Variants in GUCY2D observed in about 807,000 individuals in gnomAD.
GUCY2D encodes the protein guanylate cyclase 2D, retinal.
A neutral mutation model predicts 101.3 loss-of-function variants in GUCY2D; 70 were observed. The ratio of observed to expected loss-of-function variants is 0.69; its 90% CI spans 0.57 to 0.84. The LOEUF (loss-of-function observed/expected upper bound fraction) is 0.84, where lower values mean the gene tolerates loss of function less well. Among genes scored for constraint, GUCY2D ranks in the 40% least tolerant of loss-of-function variants. The pLI is 0.00. For missense variants in GUCY2D, 1,460 were observed against 1,542.5 expected, an observed-to-expected ratio of 0.95 and a Z score of 0.90; for synonymous variants, 688 against 670.7, an observed-to-expected ratio of 1.03 and a Z score of -0.40.
chr17:8,007,459 C>T lies in GUCY2D; in HGVS notation c.1497C>T (p.Gly499=), dbSNP rs754833828. 2.5e-6 allele frequency: 4 copies of T among 1,613,534 alleles called. No individual in the cohort carries two copies. Among genetic ancestry groups the T allele is most frequent in the Non-Finnish European group, 3.4e-6 (4 of 1,179,468 alleles). The change falls in exon 6 of 20, where the codon GGC becomes GGT. Residue 499 remains glycine (G), a synonymous_variant. Transcript: ENST00000254854. ...TACTTCACATGCAAATGGTCTCCGGCCCCAACAAGATCATCCTGACCGTGG... is the reference window on the plus strand; with the variant it reads ...TACTTCACATGCAAATGGTCTCCGGTCCCAACAAGATCATCCTGACCGTGG... ...HRLLHMQMVS[G]PNKIILTVDD...
intron 19 of GUCY2D, among the ~76,000 whole-genome samples, chr17:8,017,156 A>T (rs1340700882): frequency 1.3e-5 from 2 of 152,140 alleles, no homozygotes; most frequent in Non-Finnish European, 2.9e-5. Flanking sequence ...TGGTTGCAAA[A>T]CCAGCCATGT....
In GUCY2D at chr17:8,013,410, C is replaced by G; in HGVS notation, c.2263+158C>G. The G allele has an allele frequency of 1.3e-6, 1 of 750,582 alleles. No homozygotes were observed. The allele number at this position is 750,582 out of a possible 1,614,324, so 46.5% of individuals were successfully genotyped here. ...CATCTGCAGGTCTGGGTGCAGAAAG[C>G]CGTGCATGGCCAGGGTGGGGAGCGT... is the stretch of plus-strand genomic sequence containing the variant. On this transcript the variant is annotated intron_variant, in intron 11 of 19. Transcript: ENST00000254854. The surrounding 1 kb of genome is among the most constrained non-coding windows in gnomAD (Gnocchi z 5.0).
Position 8,015,065 on chromosome 17 carries a change from G to C in GUCY2D, c.2769+14G>C, listed in dbSNP as rs761934425. 42 of 1,608,376 alleles carry C rather than the reference G, an allele frequency of 2.6e-5. 1 individual carries two copies. In the South Asian group the frequency reaches 4.5e-4, roughly 17 times the overall value. On this transcript the variant is annotated intron_variant, in intron 14 of 19. Transcript: ENST00000254854. ...GATGTCTACAAGGTGCAGTGTGTAG[G>C]GGACAAGCCCTCCTGACCTTCAATT...
chr17:8,016,511 G>T lies in GUCY2D; in HGVS notation c.3293G>T (p.Arg1098Leu), dbSNP rs1430847788. Residue 1098 changes from arginine (R) to leucine (L), a missense_variant, in exon 19 of 20, where the codon CGG (arginine) becomes CTG (leucine). Physicochemically the swap from Arg to Leu is moderately radical, Grantham distance 102. Transcript: ENST00000254854. ...CGGCGACGGAAGCTGGAGAAGGCGCGGCCGGGCCAGTTCTCTTGAGAAGTG... is the reference window on the plus strand; with the variant it reads ...CGGCGACGGAAGCTGGAGAAGGCGCTGCCGGGCCAGTTCTCTTGAGAAGTG... ...PERRRKLEKA[R>L]PGQFS is the part of the protein sequence containing the mutation. 1 of 1,571,206 alleles carries T rather than the reference G, an allele frequency of 6.4e-7. No homozygotes were observed. Among genetic ancestry groups the T allele is most frequent in the African/African-American group, 1.3e-5 (1 of 74,222 alleles).
intron 8 of GUCY2D, among the ~76,000 whole-genome samples, chr17:8,010,886 C>A (rs1176960672): frequency 6.6e-6 from 1 of 151,700 alleles, no homozygotes; most frequent in African/African-American, 2.4e-5. Context: ...AGAAAGGGCA[C>A]CAGTCAGCCA....
Position 8,014,173 on chromosome 17 carries a change from A to T in GUCY2D, c.2412+145A>T. ...CCTAAGGAGTAGCCTGAAGACTCGG[A>T]GTTTGGGGGCAGAATTGGAATGGGG... is the stretch of plus-strand genomic sequence containing the variant. On this transcript the variant is annotated intron_variant, in intron 12 of 19. Transcript: ENST00000254854. The surrounding 1 kb of genome is among the most constrained non-coding windows in gnomAD (Gnocchi z 4.0). 1 of 762,080 alleles carries T rather than the reference A, an allele frequency of 1.3e-6. No homozygotes were observed. Among genetic ancestry groups the T allele is most frequent in the Non-Finnish European group, 2.3e-6 (1 of 438,628 alleles). 47.2% of individuals were successfully genotyped at this position (762,080 alleles called of 1,614,324 possible). A position where few individuals can be genotyped will look rare whatever the true frequency, so the allele number is the denominator to read the frequency against.
intron 10 of GUCY2D, among the ~76,000 whole-genome samples, 181 bp downstream of exon 10, chr17:8,012,787 G>A (rs547778415): frequency 1.9e-4 from 29 of 152,334 alleles, no homozygotes; most frequent in African/African-American, 6.0e-4. Flanking sequence ...CTTCGGAGAC[G>A]GGGCTGCTGG....
At chr17:8,008,237 G>A (rs918592399) in intron 7 of GUCY2D, among the ~76,000 whole-genome samples, 5 of 152,192 alleles carry the variant, frequency 3.3e-5, no homozygotes, top group Admixed American at 6.5e-5. Flanking sequence ...CCTCCCCAAG[G>A]ATTTTTCTCT....
In GUCY2D at chr17:8,009,457, G is replaced by A. The variant is rs372118691; in HGVS notation, c.1669-49G>A. 1.2e-4 allele frequency: 139 copies of A among 1,187,036 alleles called. No individual in the cohort carries two copies. The African/African-American group carries it at 1.3e-3, about 11-fold the overall frequency. 73.5% of individuals were successfully genotyped at this position (1,187,036 alleles called of 1,614,324 possible). A position where few individuals can be genotyped will look rare whatever the true frequency, so the allele number is the denominator to read the frequency against. ...GGGAGGGGTTCTAGGGCTCCCCATC[G>A]TGGGATTTTAAGAGACTGAGTTCCC... On this transcript the variant is annotated intron_variant, in intron 7 of 19. Coordinates refer to ENST00000254854, the MANE Select transcript of GUCY2D (RefSeq NM_000180.4).
rs746769693 is a variant in GUCY2D, at chr17:8,003,934, G to A, written c.804G>A (p.Leu268=). The A allele has an allele frequency of 6.2e-7, 1 of 1,613,654 alleles. No individual in the cohort carries two copies. The highest frequency in any genetic ancestry group is 1.1e-5 in the South Asian group (1 of 91,070). ...TGGAGGCCGCAGAGGAGCTGGGCCT[G>A]ACCGATGGCTCCCTGGTCTTCCTGC... is the stretch of plus-strand genomic sequence containing the variant. ...YLLEAAEELG[L]TDGSLVFLPF... Residue 268 remains leucine, a synonymous_variant, in exon 3 of 20, where the codon CTG becomes CTA. Transcript: ENST00000254854.
chr17:8,003,085 AC>A lies in GUCY2D; in HGVS notation c.42del (p.Leu16SerfsTer69). ...ACARRAGGLPDPGLCGPAWWA... is the reference protein window; with the variant it reads ...ACARRAGGLPXPGLCGPAWWA... ...GCCCGCCGAGCGGGTGGGCTTCCGG[AC>A]CCCGGGCTCTGCGGTCCCGCGTGGT... On this transcript the variant is annotated frameshift_variant, in exon 2 of 20. Coordinates refer to ENST00000254854, the MANE Select transcript of GUCY2D (RefSeq NM_000180.4). LOFTEE classifies it high-confidence loss of function. 6.6e-7 allele frequency: 1 copy of A among 1,524,538 alleles called. No homozygotes were observed. Among genetic ancestry groups the A allele is most frequent in the Admixed American group, 2.0e-5 (1 of 50,032 alleles). The allele number at this position is 1,524,538 out of a possible 1,614,324, so 94.4% of individuals were successfully genotyped here. A position where few individuals can be genotyped will look rare whatever the true frequency, so the allele number is the denominator to read the frequency against.
chr17:8,014,704 C>G lies in GUCY2D; in HGVS notation c.2516C>G (p.Thr839Arg), dbSNP rs61750174. ...SNLEDLIRER[T>R]EELELEKQKT... ...CTGGAGGATCTGATCCGGGAGCGCA[C>G]GGAGGAGCTGGAGCTGGAAAAGCAG... The change falls in exon 13 of 20, where the codon ACG becomes AGG. Residue 839 changes from threonine (T) to arginine (R), a missense_variant. By Grantham distance (71) the Thr-to-Arg change is moderately conservative. Coordinates refer to ENST00000254854, the MANE Select transcript of GUCY2D (RefSeq NM_000180.4). This position sits in a 1 kb window ranked among gnomAD's most constrained non-coding sequence, Gnocchi z 4.0. The G allele has an allele frequency of 4.5e-6, 7 of 1,566,278 alleles. No individual in the cohort carries two copies. Among genetic ancestry groups the G allele is most frequent in the Non-Finnish European group, 4.3e-6 (5 of 1,149,704 alleles).
At position 8,014,238 on chromosome 17, in the gene GUCY2D, G is replaced by T. The variant is rs993663834; in HGVS notation, c.2412+210G>T. ...TGGAGTGGGAGATAGAGTTCTGTCT[G>T]GGTGGGAGGAATATTCAATTCAATT... On this transcript the variant is annotated intron_variant, in intron 12 of 19. Transcript: ENST00000254854. The surrounding 1 kb of genome is among the most constrained non-coding windows in gnomAD (Gnocchi z 4.0). 1 of 626,672 alleles carries T rather than the reference G, an allele frequency of 1.6e-6. No homozygotes were observed. The highest frequency in any genetic ancestry group is 2.8e-6 in the Non-Finnish European group (1 of 352,198). 38.8% of individuals were successfully genotyped at this position (626,672 alleles called of 1,614,324 possible).
At position 8,003,752 on chromosome 17, in the gene GUCY2D, C is replaced by G; in HGVS notation, c.705C>G (p.Asp235Glu). ...GGGAGGCCCTGAGGAAGGTTCGGGA[C>G]GGGCCCAGGGTCACAGGTAGGCTCC... Reference protein sequence around the residue: ...GAREALRKVRDGPRVTAVIMV... With the variant: ...GAREALRKVREGPRVTAVIMV... The change falls in exon 2 of 20, where the codon GAC (aspartate) becomes GAG (glutamate). Residue 235 changes from aspartate (D) to glutamate (E), a missense_variant. By Grantham distance (45) the Asp-to-Glu change is conservative. Transcript: ENST00000254854. 1 of 1,599,060 alleles carries G rather than the reference C, an allele frequency of 6.3e-7. No homozygotes were observed. Among genetic ancestry groups the G allele is most frequent in the Non-Finnish European group, 8.5e-7 (1 of 1,179,678 alleles).
Position 8,007,779 on chromosome 17 carries a change from G to C in GUCY2D, c.1567-152G>C, listed in dbSNP as rs1249653760. 4.3e-6 allele frequency: 3 copies of C among 704,620 alleles called. No homozygotes were observed. In the African/African-American group the frequency reaches 5.2e-5, roughly 12 times the overall value. The allele number at this position is 704,620 out of a possible 1,614,324, so 43.6% of individuals were successfully genotyped here. A position where few individuals can be genotyped will look rare whatever the true frequency, so the allele number is the denominator to read the frequency against. On this transcript the variant is annotated intron_variant, in intron 6 of 19. Transcript: ENST00000254854. ...GAATGTTTGCTTTGTAAACTGTAAA[G>C]CGTGCACTTGGGGAGTAATGTCATT...
Position 8,007,918 on chromosome 17 carries a change from C to T in GUCY2D, c.1567-13C>T. ...ATATATTTTGACCTCTTGCATTGAC[C>T]TCTACCTGCTAGGTGGCCCAGGGGA... On this transcript the variant is annotated splice_polypyrimidine_tract_variant and intron_variant, in intron 6 of 19. Coordinates refer to ENST00000254854, the MANE Select transcript of GUCY2D (RefSeq NM_000180.4). 1 of 1,556,888 alleles carries T rather than the reference C, an allele frequency of 6.4e-7. No homozygotes were observed. The highest frequency in any genetic ancestry group is 1.1e-5 in the South Asian group (1 of 89,906).
In GUCY2D at chr17:8,002,968, C is replaced by T. The variant is rs1975653595; in HGVS notation, c.-9-71C>T. The T allele has an allele frequency of 8.3e-7, 1 of 1,202,708 alleles. No individual in the cohort carries two copies. The highest frequency in any genetic ancestry group is 1.2e-6 in the Non-Finnish European group (1 of 866,426). 74.5% of individuals were successfully genotyped at this position (1,202,708 alleles called of 1,614,324 possible). A position where few individuals can be genotyped will look rare whatever the true frequency, so the allele number is the denominator to read the frequency against. On this transcript the variant is annotated intron_variant, in intron 1 of 19. Coordinates refer to ENST00000254854, the MANE Select transcript of GUCY2D (RefSeq NM_000180.4). The surrounding 1 kb of genome is among the most constrained non-coding windows in gnomAD (Gnocchi z 4.9). ...TGGGTTACTCGGGCTTGGAGAAACTCGGGGTTACGGGGAGAACCCTAGGGG... is the reference window on the plus strand; with the variant it reads ...TGGGTTACTCGGGCTTGGAGAAACTTGGGGTTACGGGGAGAACCCTAGGGG...
rs747611318 is a variant in GUCY2D at position 8,003,620 on chromosome 17, G to A, written c.573G>A (p.Gln191=). Residue 191 remains glutamine (Q), a synonymous_variant, in exon 2 of 20, where the codon CAG becomes CAA. Transcript: ENST00000254854. ...WARVALVTAP[Q]DLWVEAGRSL... ...GCGTGGCCCTGGTCACCGCCCCCCAGGACCTGTGGGTGGAGGCGGGACGCT... is the reference window on the plus strand; with the variant it reads ...GCGTGGCCCTGGTCACCGCCCCCCAAGACCTGTGGGTGGAGGCGGGACGCT... 12 of 1,592,646 alleles carry A rather than the reference G, an allele frequency of 7.5e-6. No homozygotes were observed. Among genetic ancestry groups the A allele is most frequent in the Non-Finnish European group, 1.0e-5 (12 of 1,176,170 alleles).
At position 8,003,053 on chromosome 17, in the gene GUCY2D, C is replaced by A. The variant is rs1429092021; in HGVS notation, c.6C>A (p.Thr2=). M[T]ACARRAGGLP... is the part of the protein sequence containing the mutation. Reference sequence around the variant, plus strand: ...TGTGTTCGCAGAAGCCGGCAATGACCGCCTGCGCCCGCCGAGCGGGTGGGC... The same window carrying A: ...TGTGTTCGCAGAAGCCGGCAATGACAGCCTGCGCCCGCCGAGCGGGTGGGC... The change falls in exon 2 of 20, where the codon ACC becomes ACA. Residue 2 remains threonine (T), a synonymous_variant. Transcript: ENST00000254854. 2.0e-6 allele frequency: 3 copies of A among 1,525,916 alleles called. No individual in the cohort carries two copies. Among genetic ancestry groups the A allele is most frequent in the Non-Finnish European group, 2.6e-6 (3 of 1,143,118 alleles). 94.5% of individuals were successfully genotyped at this position (1,525,916 alleles called of 1,614,324 possible).
Sources: allele counts gnomAD v4.1 joint callset (sites outside exome capture counted in the v4.1 genomes callset), GRCh38; gene constraint gnomAD v4.1.1; non-coding constraint Gnocchi (gnomAD v3.1); transcripts MANE v1.5; gene names NCBI Gene and HGNC (gene_info 2026-07-23, HGNC 2026-07-21).